ZNF536: variants seen among roughly 807,000 people sequenced by gnomAD.
ZNF536 encodes zinc finger protein 536.
Under a neutral mutation model 84.5 loss-of-function variants are expected in ZNF536, and 13 were observed. That is an observed-to-expected ratio of 0.15 (90% CI 0.10 to 0.24). The LOEUF is 0.24. Ranked by LOEUF, ZNF536 falls within the 10% of genes least tolerant of loss-of-function variation. ZNF536 has a pLI of 1.00. For synonymous variants in ZNF536, 811 were observed against 742.5 expected (o/e 1.09, Z -1.50); for missense variants, 1,536 against 1,747.5 (o/e 0.88, Z 2.16).
intron 1 of ZNF536, among the ~76,000 whole-genome samples, chr19:30,658,026 C>T (rs990399710): frequency 2.0e-5 from 3 of 151,572 alleles, no homozygotes; most frequent in South Asian, 2.1e-4. Context: ...ATTCCCCCCC[C>T]CCTTTTTTTT....
intron 1 of ZNF536, among the ~76,000 whole-genome samples, chr19:30,624,411 C>T (rs2048601182): frequency 6.6e-6 from 1 of 152,158 alleles, no homozygotes; most frequent in Non-Finnish European, 1.5e-5. Flanking sequence ...TGAGCCCGAG[C>T]CCAGAATGAT....
chr19:30,307,981 A>G (rs1208150965), intron 2 of ZNF536, among the ~76,000 whole-genome samples: 1 of 152,208 alleles, frequency 6.6e-6, no homozygotes, highest in Non-Finnish European at 1.5e-5. Context: ...GGAGGTCTGA[A>G]GCTTTATTTT....
intron 1 of ZNF536, among the ~76,000 whole-genome samples, chr19:30,656,934 A>G (rs1333907024): frequency 6.6e-6 from 1 of 152,188 alleles, no homozygotes; most frequent in African/African-American, 2.4e-5. Context: ...TCTTTCCTTT[A>G]GTTATCTCCT....
intron 2 of ZNF536, among the ~76,000 whole-genome samples, chr19:30,348,446 C>T (rs983450301): frequency 1.3e-5 from 2 of 152,144 alleles, no homozygotes; most frequent in Non-Finnish European, 2.9e-5. Context: ...CCCTTACGTG[C>T]TGAGGTCCTT....
chr19:30,361,833 G>A (rs990249386), intron 3 of ZNF536, among the ~76,000 whole-genome samples: 1 of 131,964 alleles, frequency 7.6e-6, no homozygotes, highest in Non-Finnish European at 1.6e-5. Context: ...GGTGGGGCGG[G>A]CATCCCACAT....
At chr19:30,700,355 CTTCCTTCCTTCCTCCTTTCTTACT>C (rs2051887425) in intron 1 of ZNF536, among the ~76,000 whole-genome samples, 1 of 146,350 alleles carries the variant, frequency 6.8e-6, no homozygotes, top group Admixed American at 6.9e-5. Context: ...CCCCTCCTTC[CTTCCTTCCTTCCTCCTTTCTTACT>C]TTCCTTCCTT....
chr19:30,454,782 C>A (rs1257253076), intron 2 of ZNF536, among the ~76,000 whole-genome samples: 1 of 152,172 alleles, frequency 6.6e-6, no homozygotes, highest in Non-Finnish European at 1.5e-5. Flanking sequence ...CCTGTAATCC[C>A]AGCACTTTGG....
At chr19:30,336,434 G>A (rs1568340807) in intron 2 of ZNF536, among the ~76,000 whole-genome samples, 1 of 152,226 alleles carries the variant, frequency 6.6e-6, no homozygotes, top group Non-Finnish European at 1.5e-5. Context: ...ACAGCGCAGG[G>A]CAGCACACCA....
At chr19:30,511,816 T>C (rs1242244509) in intron 2 of ZNF536, among the ~76,000 whole-genome samples, 2 of 152,226 alleles carry the variant, frequency 1.3e-5, no homozygotes, top group Admixed American at 6.5e-5. Context: ...TGCACGTTAA[T>C]GACAAGTTAA....
intron 1 of ZNF536, among the ~76,000 whole-genome samples, chr19:30,410,600 G>A (rs1056102684): frequency 2.5e-4 from 38 of 150,910 alleles, no homozygotes; most frequent in African/African-American, 9.1e-4. Context: ...TCAGCCTCCC[G>A]CGTAGCTGGG....
At chr19:30,617,686 CTGTTA>C (rs2048353471) in intron 1 of ZNF536, among the ~76,000 whole-genome samples, 1 of 152,056 alleles carries the variant, frequency 6.6e-6, no homozygotes, top group African/African-American at 2.4e-5. Context: ...ATTCTCCCTC[CTGTTA>C]TATCTTTAAC....
At chr19:30,238,176 T>C (rs922732320) in intron 1 of ZNF536, among the ~76,000 whole-genome samples, 2 of 152,186 alleles carry the variant, frequency 1.3e-5, no homozygotes, top group African/African-American at 2.4e-5. Flanking sequence ...ATTTTAGAAA[T>C]AGAAGCCCCA....
intron 3 of ZNF536, among the ~76,000 whole-genome samples, chr19:30,539,672 C>T (rs1379879546): frequency 6.6e-6 from 1 of 152,240 alleles, no homozygotes; most frequent in Non-Finnish European, 1.5e-5. Context: ...TCCATGTCCC[C>T]TCCCTGTGCA....
At chr19:30,640,529 G>T (rs921938266) in intron 1 of ZNF536, among the ~76,000 whole-genome samples, 21 of 152,148 alleles carry the variant, frequency 1.4e-4, no homozygotes, top group African/African-American at 5.1e-4. Flanking sequence ...CCAGTTCTAA[G>T]GACTGGCAAA....
intron 1 of ZNF536, among the ~76,000 whole-genome samples, chr19:30,702,813 G>GA (rs936917189): frequency 2.6e-5 from 4 of 152,056 alleles, no homozygotes; most frequent in Admixed American, 6.5e-5. Context: ...TCCTTTGCTG[G>GA]AAAAAAATGC....
intron 1 of ZNF536, among the ~76,000 whole-genome samples, chr19:30,381,543 C>T (rs2049022516): frequency 6.6e-6 from 1 of 152,094 alleles, no homozygotes; most frequent in East Asian, 1.9e-4. Context: ...GGCACAGGTC[C>T]CAAGGAAGGA....
intron 2 of ZNF536, among the ~76,000 whole-genome samples, chr19:30,501,645 G>A (rs912470123): frequency 6.6e-6 from 1 of 152,128 alleles, no homozygotes; most frequent in Non-Finnish European, 1.5e-5. Context: ...AGTCCATACT[G>A]AGACTCACAC....
chr19:30,287,457 T>G (rs1380002726), intron 2 of ZNF536, among the ~76,000 whole-genome samples: 2 of 134,634 alleles, frequency 1.5e-5, no homozygotes, highest in African/African-American at 5.7e-5. Context: ...ATGGGTGGAT[T>G]GATGGAGGAT....
chr19:30,326,791 CTTTTTTTTTTTT>C (rs869076590), intron 2 of ZNF536, among the ~76,000 whole-genome samples: 37 of 51,974 alleles, frequency 7.1e-4, no homozygotes, highest in African/African-American at 1.6e-3. Context: ...TTATAAAAAG[CTTTTTTTTTTTT>C]TTTTTTTTTT....
Sources: gnomAD v4.1 joint callset for allele counts (sites outside exome capture counted in the v4.1 genomes callset) on GRCh38, gnomAD v4.1.1 for gene constraint, MANE v1.5 for transcripts, NCBI Gene and HGNC (gene_info 2026-07-23, HGNC 2026-07-21) for gene names.